The following STAT6 variants were observed in gnomAD, a reference collection of about 807,000 sequenced individuals.
STAT6 encodes the protein STAT, interleukin4-induced.
In STAT6, 45 loss-of-function variants were observed where a neutral mutation model predicts 106.3. That is an observed-to-expected ratio of 0.42 (90% CI 0.33 to 0.54). STAT6 has a LOEUF of 0.54. STAT6 is among the 20% of genes least tolerant of loss of function. The probability of loss-of-function intolerance (pLI) is 0.06; values close to 1 mark genes in which losing one functional copy is unlikely to be tolerated. For synonymous variants in STAT6, 413 were observed against 413.6 expected, an observed-to-expected ratio of 1.00 and a Z score of 0.02; for missense variants, 797 against 1,062.2, an observed-to-expected ratio of 0.75 and a Z score of 3.47.
At chr12:57,100,153 A>G in intron 13 of STAT6, 63 bp from the exon 14 acceptor site, 1 of 1,442,460 alleles carries the variant, frequency 6.9e-7, no homozygotes, top group Non-Finnish European at 9.5e-7. Context: ...TGTTTAGGGC[A>G]GGCAGTGAGC....
chr12:57,106,470 C>T, intron 6 of STAT6, 58 bp downstream of exon 6: 1 of 1,610,650 alleles, frequency 6.2e-7, no homozygotes. Context: ...TGAGGTCTAG[C>T]TTCCATCCCT....
chr12:57,099,309 G>A lies in STAT6; in HGVS notation c.1876C>T (p.Arg626Trp), dbSNP rs754625920. The A allele has an allele frequency of 1.2e-5, 20 of 1,614,032 alleles. No individual in the cohort carries two copies. Among genetic ancestry groups the A allele is most frequent in the South Asian group, 2.2e-5 (2 of 91,082 alleles). The change falls in exon 16 of 22, where the codon CGG (arginine) becomes TGG (tryptophan). Residue 626 changes from arginine to tryptophan, a missense_variant. By Grantham distance (101) the Arg-to-Trp change is moderately radical. Coordinates refer to ENST00000300134, the MANE Select transcript of STAT6 (RefSeq NM_003153.5). This position sits in a 1 kb window ranked among gnomAD's most constrained non-coding sequence, Gnocchi z 4.7. ...YPKKPKDEAF[R>W]SHYKPEQMGK... ...TCCAGCTCACGCTTGTAGTGGCTCC[G>A]GAAAGCCTCATCCTTGGGCTTCTTG...
intron 20 of STAT6, 40 bp downstream of exon 20, chr12:57,097,028 A>G (rs778158816): frequency 5.2e-5 from 83 of 1,596,774 alleles, no homozygotes; most frequent in Non-Finnish European, 9.4e-6. Context: ...AGGCCAGGAA[A>G]GAAGAGGCAC....
At chr12:57,100,961 T>A (rs2033890643) in intron 13 of STAT6, 1 of 447,158 alleles carries the variant, frequency 2.2e-6, no homozygotes, top group Non-Finnish European at 4.5e-6. Context: ...TTAAGTGAGA[T>A]AACATACATA....
At position 57,105,987 on chromosome 12, in the gene STAT6, C is replaced by T. The variant is rs191074646; in HGVS notation, c.680+204G>A. On this transcript the variant is annotated intron_variant, in intron 7 of 21. Coordinates refer to ENST00000300134, the MANE Select transcript of STAT6 (RefSeq NM_003153.5). ...GAGAAGCCTGGGTTGGATGAGTCCC[C>T]GCTTGTGCCCCTCCACTAGGCCCAC... is the stretch of plus-strand genomic sequence containing the variant. The T allele has an allele frequency of 1.1e-4, 92 of 830,044 alleles. No individual in the cohort carries two copies. In the African/African-American group the frequency reaches 1.3e-3, roughly 12 times the overall value. The allele number at this position is 830,044 out of a possible 1,614,324, so 51.4% of individuals were successfully genotyped here. A position where few individuals can be genotyped will look rare whatever the true frequency, so the allele number is the denominator to read the frequency against.
chr12:57,105,002 T>TC, intron 9 of STAT6, 149 bp downstream of exon 9: 2 of 1,206,592 alleles, frequency 1.7e-6, no homozygotes, highest in Non-Finnish European at 2.3e-6. Context: ...CCTAAATGGG[T>TC]CCCTCCCTTT....
Position 57,096,214 on chromosome 12 carries a change from G to A in STAT6, c.*358C>T. Reference sequence around the variant, plus strand: ...GGAGAAGCCTTCCATGCCCTAACCTGTGCTCTTACCCAGCCCCCCTCCTGC... The same window carrying A: ...GGAGAAGCCTTCCATGCCCTAACCTATGCTCTTACCCAGCCCCCCTCCTGC... On this transcript the variant is annotated 3_prime_UTR_variant, in exon 22 of 22. Coordinates refer to ENST00000300134, the MANE Select transcript of STAT6 (RefSeq NM_003153.5). The A allele has an allele frequency of 4.4e-6, 1 of 228,886 alleles. No individual in the cohort carries two copies. The highest frequency in any genetic ancestry group is 8.5e-6 in the Non-Finnish European group (1 of 117,982). 14.2% of individuals were successfully genotyped at this position (228,886 alleles called of 1,614,324 possible).
At chr12:57,097,805 CA>C (rs1565679957) in intron 19 of STAT6, among the ~76,000 whole-genome samples, 2 of 151,930 alleles carry the variant, frequency 1.3e-5, no homozygotes. Context: ...TGCACTACAG[CA>C]GGAGGATTGC....
Position 57,096,308 on chromosome 12 carries a change from A to G in STAT6, c.*264T>C. The G allele has an allele frequency of 2.1e-6, 1 of 467,044 alleles. No individual in the cohort carries two copies. Among genetic ancestry groups the G allele is most frequent in the Non-Finnish European group, 3.8e-6 (1 of 262,796 alleles). 28.9% of individuals were successfully genotyped at this position (467,044 alleles called of 1,614,324 possible). A position where few individuals can be genotyped will look rare whatever the true frequency, so the allele number is the denominator to read the frequency against. ...GCGTGTGCGCGCTGCAGGTGCAGGC[A>G]TGTTGGGGTGTGTCTCAGAGCCTGA... On this transcript the variant is annotated 3_prime_UTR_variant, in exon 22 of 22. Transcript: ENST00000300134.
rs1592567541 is a variant in STAT6 at position 57,105,285 on chromosome 12, G to A, written c.867C>T (p.Phe289=). 6.2e-7 allele frequency: 1 copy of A among 1,614,162 alleles called. No homozygotes were observed. The highest frequency in any genetic ancestry group is 8.5e-7 in the Non-Finnish European group (1 of 1,180,008). ...CCAACAGGAATCGAACTCCAGCCTGGAACTTGGTCTGAGTCTTCAGTACCT... is the reference window on the plus strand; with the variant it reads ...CCAACAGGAATCGAACTCCAGCCTGAAACTTGGTCTGAGTCTTCAGTACCT... The part of the protein sequence containing the change: ...PPQVLKTQTK[F]QAGVRFLLGL... Residue 289 remains phenylalanine, a synonymous_variant, in exon 9 of 22, where the codon TTC becomes TTT. Coordinates refer to ENST00000300134, the MANE Select transcript of STAT6 (RefSeq NM_003153.5).
chr12:57,105,814 TG>T, intron 7 of STAT6: 1 of 838,426 alleles, frequency 1.2e-6, no homozygotes, highest in Non-Finnish European at 1.8e-6. Context: ...ACACCCCCTG[TG>T]GAAACCCAGC....
chr12:57,107,634 T>A lies in STAT6; in HGVS notation c.226A>T (p.Thr76Ser). 6.2e-7 allele frequency: 1 copy of A among 1,613,474 alleles called. No homozygotes were observed. Among genetic ancestry groups the A allele is most frequent in the Non-Finnish European group, 8.5e-7 (1 of 1,179,860 alleles). The change falls in exon 3 of 22, where the codon ACC (threonine) becomes TCC (serine). Residue 76 changes from threonine to serine, a missense_variant. Physicochemically the swap from Thr to Ser is moderately conservative, Grantham distance 58. This residue lies in a region of STAT6 where 336 missense variants were observed against 429.8 expected (regional missense o/e 0.78). Coordinates refer to ENST00000300134, the MANE Select transcript of STAT6 (RefSeq NM_003153.5). Reference sequence around the variant, plus strand: ...AGGGTGCTGATGTGTTGCAAGATGGTGCTCCCCTCCCCCTGCTCTCCCACC... The same window carrying A: ...AGGGTGCTGATGTGTTGCAAGATGGAGCTCCCCTCCCCCTGCTCTCCCACC... ...ASVGEQGEGS[T>S]ILQHISTLES...
At chr12:57,108,591 G>T (rs1425614541) in intron 1 of STAT6, among the ~76,000 whole-genome samples, 2 of 152,214 alleles carry the variant, frequency 1.3e-5, no homozygotes, top group Non-Finnish European at 2.9e-5. Flanking sequence ...GGATTTAGTT[G>T]CAGCTCTAGA....
Position 57,096,500 on chromosome 12 carries a change from G to A in STAT6, c.*72C>T. 7.0e-7 allele frequency: 1 copy of A among 1,426,048 alleles called. No individual in the cohort carries two copies. Among genetic ancestry groups the A allele is most frequent in the Non-Finnish European group, 9.5e-7 (1 of 1,058,064 alleles). 88.3% of individuals were successfully genotyped at this position (1,426,048 alleles called of 1,614,324 possible). On this transcript the variant is annotated 3_prime_UTR_variant, in exon 22 of 22. Transcript: ENST00000300134. Reference sequence around the variant, plus strand: ...CCCCATCTGCTGCTTGGCAGGGCATGAGCAAGTGTCCAGAGCAGGTCTGTG... The same window carrying A: ...CCCCATCTGCTGCTTGGCAGGGCATAAGCAAGTGTCCAGAGCAGGTCTGTG...
chr12:57,098,358 C>T (rs2033585812), intron 19 of STAT6, 147 bp downstream of exon 19: 3 of 830,984 alleles, frequency 3.6e-6, no homozygotes, highest in Non-Finnish European at 5.9e-6. Flanking sequence ...CAGATCTTAA[C>T]TACTACCCCC....
chr12:57,098,596 G>T lies in STAT6; in HGVS notation c.2068C>A (p.Pro690Thr), dbSNP rs777431511. 3 of 1,613,068 alleles carry T rather than the reference G, an allele frequency of 1.9e-6. No homozygotes were observed. Among genetic ancestry groups the T allele is most frequent in the Non-Finnish European group, 2.5e-6 (3 of 1,179,588 alleles). Residue 690 changes from proline to threonine, a missense_variant and splice_region_variant, in exon 19 of 22, where the codon CCC (proline) becomes ACC (threonine). By Grantham distance (38) the Pro-to-Thr change is conservative. Coordinates refer to ENST00000300134, the MANE Select transcript of STAT6 (RefSeq NM_003153.5). The stretch of plus-strand genomic sequence containing the variant: ...TGAGAGTGTGGTGGGTACACCTGGG[G>T]CCTGGGGAAAGAAAACAGACCCCCT... The part of the protein sequence containing the change: ...MSMQLGPDMV[P>T]QVYPPHSHSI...
chr12:57,101,015 G>A, intron 13 of STAT6: 1 of 276,904 alleles, frequency 3.6e-6, no homozygotes, highest in Admixed American at 4.1e-5. Context: ...TCAACACGTG[G>A]TAGCTGGTAT....
intron 10 of STAT6, 32 bp from the exon 11 acceptor site, chr12:57,104,618 G>A (rs2034156662): frequency 6.2e-7 from 1 of 1,613,368 alleles, no homozygotes; most frequent in South Asian, 1.1e-5. Context: ...GCAAGGGCGA[G>A]GTCATGAGGA....
At chr12:57,107,862 C>T (rs1412093217) in intron 2 of STAT6, 119 bp from the exon 3 acceptor site, 3 of 1,394,812 alleles carry the variant, frequency 2.2e-6, no homozygotes, top group Non-Finnish European at 2.9e-6. Flanking sequence ...CCATCTAGGC[C>T]CTCTGTAGCT....
Sources: allele counts gnomAD v4.1 joint callset (sites outside exome capture counted in the v4.1 genomes callset), GRCh38; gene constraint gnomAD v4.1.1; regional missense constraint gnomAD v4.1.1; non-coding constraint Gnocchi (gnomAD v3.1); transcripts MANE v1.5; gene names NCBI Gene and HGNC (gene_info 2026-07-23, HGNC 2026-07-21).